The following TRIM8 variants were observed in gnomAD, a reference collection of about 807,000 sequenced individuals.
The protein encoded by TRIM8 is E3 ubiquitin-protein ligase TRIM8.
TRIM8 carries 9 observed loss-of-function variants against 55.7 expected under a neutral mutation model. The observed-to-expected ratio is 0.16, with a 90% confidence interval of 0.10 to 0.28. The LOEUF is 0.28. Among genes scored for constraint, TRIM8 ranks in the 10% least tolerant of loss-of-function variants. The pLI is 1.00. For synonymous variants in TRIM8, 335 were observed against 333.3 expected, an observed-to-expected ratio of 1.01 and a Z score of -0.06; for missense variants, 556 against 736.4, an observed-to-expected ratio of 0.76 and a Z score of 2.83.
intron 1 of TRIM8, among the ~76,000 whole-genome samples, chr10:102,650,499 CT>C (rs1331921346): frequency 4.6e-5 from 7 of 152,190 alleles, no homozygotes; most frequent in African/African-American, 1.4e-4. Context: ...AAGGTCCTCC[CT>C]GGGCCCCACC....
At chr10:102,654,959 C>G (rs1420120931) in intron 2 of TRIM8, 121 bp from the exon 3 acceptor site, 4 of 1,236,964 alleles carry the variant, frequency 3.2e-6, no homozygotes, top group Non-Finnish European at 4.6e-6. Context: ...AGACCTTGCC[C>G]TTGGGAGCCT....
Position 102,644,950 on chromosome 10 carries a change from G to A in TRIM8, c.333G>A (p.Glu111=), listed in dbSNP as rs749088678. 5.8e-5 allele frequency: 92 copies of A among 1,597,526 alleles called. No individual in the cohort carries two copies. In the East Asian group the frequency reaches 2.0e-3, roughly 35 times the overall value. The change falls in exon 1 of 6, where the codon GAG becomes GAA. Residue 111 remains glutamate (E), a synonymous_variant. Transcript: ENST00000643721. ...LPAQKVCLRC[E]APCCQSHVQT... The stretch of plus-strand genomic sequence containing the variant: ...CGCAGAAGGTCTGCCTGCGCTGCGA[G>A]GCGCCCTGCTGCCAGTCCCACGTGC...
rs892610025 is a variant in TRIM8 at position 102,646,739 on chromosome 10, A to T, written c.570+1552A>T. Among the ~76,000 whole-genome samples, 14 of 152,176 alleles carry T rather than the reference A, an allele frequency of 9.2e-5. No individual in the cohort carries two copies. In the South Asian group the frequency reaches 2.7e-3, roughly 29 times the overall value. On this transcript the variant is annotated intron_variant, in intron 1 of 5. Transcript: ENST00000643721. ...TGGGAAGCTGCTGCTATTAATAAAG[A>T]TGGAAGGGCTGGGGGAGGAGGCCGG...
In TRIM8 at chr10:102,657,815, T is replaced by TC. The variant is rs2064041643; in HGVS notation, c.*462dup. The stretch of plus-strand genomic sequence containing the variant: ...TCCTTTTGGGCAGTTTGATCACTGA[T>TC]CGAGTAAGGAATGACCTTTAGATTG... On this transcript the variant is annotated 3_prime_UTR_variant, in exon 6 of 6. Transcript: ENST00000643721. 6.4e-6 allele frequency: 1 copy of TC among 157,348 alleles called. No homozygotes were observed. The highest frequency in any genetic ancestry group is 1.9e-4 in the South Asian group (1 of 5,140). The allele number at this position is 157,348 out of a possible 1,614,324, so 9.7% of individuals were successfully genotyped here.
Position 102,644,753 on chromosome 10 carries a change from G to A in TRIM8, c.136G>A (p.Asp46Asn), listed in dbSNP as rs1234193080. 1 of 1,613,278 alleles carries A rather than the reference G, an allele frequency of 6.2e-7. No individual in the cohort carries two copies. The highest frequency in any genetic ancestry group is 8.5e-7 in the Non-Finnish European group (1 of 1,179,866). ...CTGCATCGGCGAGGCGTGGGCCAAG[G>A]ACAGCGGCCTCGTACGCTGCCCAGA... ...RGCIGEAWAK[D>N]SGLVRCPECN... Residue 46 changes from aspartate to asparagine, a missense_variant, in exon 1 of 6, where the codon GAC becomes AAC. Physicochemically the swap from Asp to Asn is conservative, Grantham distance 23. Around this residue, in one of 2 missense-constraint regions of TRIM8, gnomAD observed 165 missense variants for 295.3 expected, o/e 0.56. Transcript: ENST00000643721.
At position 102,657,414 on chromosome 10, in the gene TRIM8, T is replaced by A; in HGVS notation, c.*60T>A. 1 of 1,512,658 alleles carries A rather than the reference T, an allele frequency of 6.6e-7. No individual in the cohort carries two copies. The highest frequency in any genetic ancestry group is 8.8e-7 in the Non-Finnish European group (1 of 1,130,342). 93.7% of individuals were successfully genotyped at this position (1,512,658 alleles called of 1,614,324 possible). Reference sequence around the variant, plus strand: ...CTCCCCAGCCCCCGGGCTCGGGAGTTATGCATCCAGAGACCTGCCCTTCTA... The same window carrying A: ...CTCCCCAGCCCCCGGGCTCGGGAGTAATGCATCCAGAGACCTGCCCTTCTA... On this transcript the variant is annotated 3_prime_UTR_variant, in exon 6 of 6. Coordinates refer to ENST00000643721, the MANE Select transcript of TRIM8 (RefSeq NM_030912.3).
intron 1 of TRIM8, among the ~76,000 whole-genome samples, chr10:102,653,064 G>T (rs979596352): frequency 5.3e-5 from 8 of 152,180 alleles, no homozygotes; most frequent in African/African-American, 1.2e-4. Context: ...CTCCCAAAGT[G>T]CTGGGATTAC....
In TRIM8 at chr10:102,656,026, G is replaced by A; in HGVS notation, c.901-80G>A. ...CCAGCCTGGGGGAGGCTCAGGGGGG[G>A]CAGCTTTTGTCTTCCCCTCTCCCCG... On this transcript the variant is annotated intron_variant, in intron 3 of 5. Transcript: ENST00000643721. This position sits in a 1 kb window ranked among gnomAD's most constrained non-coding sequence, Gnocchi z 4.6. The A allele has an allele frequency of 3.7e-6, 6 of 1,606,020 alleles. No homozygotes were observed. Among genetic ancestry groups the A allele is most frequent in the Non-Finnish European group, 1.7e-6 (2 of 1,172,914 alleles).
chr10:102,646,628 C>A lies in TRIM8; in HGVS notation c.570+1441C>A, dbSNP rs899515018. Among the ~76,000 whole-genome samples, 4 of 152,172 alleles carry A rather than the reference C, an allele frequency of 2.6e-5. No homozygotes were observed. In the East Asian group the frequency reaches 7.7e-4, roughly 29 times the overall value. On this transcript the variant is annotated intron_variant, in intron 1 of 5. Coordinates refer to ENST00000643721, the MANE Select transcript of TRIM8 (RefSeq NM_030912.3). ...TGGGTTTGTGTGCCAGGATAGGCCTCTGGTTTCTTAAAGGAAGTGTGTCCT... is the reference window on the plus strand; with the variant it reads ...TGGGTTTGTGTGCCAGGATAGGCCTATGGTTTCTTAAAGGAAGTGTGTCCT...
Position 102,644,848 on chromosome 10 carries a change from G to A in TRIM8, c.231G>A (p.Lys77=). The change falls in exon 1 of 6, where the codon AAG becomes AAA. Residue 77 remains lysine, a synonymous_variant. Transcript: ENST00000643721. ...KNLKLTNIVE[K]FNALHVEKPP... is the part of the protein sequence containing the mutation. ...TGAAGCTCACCAACATCGTGGAGAA[G>A]TTCAATGCCCTGCACGTGGAGAAGC... 6 of 1,612,718 alleles carry A rather than the reference G, an allele frequency of 3.7e-6. No homozygotes were observed. The highest frequency in any genetic ancestry group is 1.3e-5 in the African/African-American group (1 of 75,036).
intron 3 of TRIM8, among the ~76,000 whole-genome samples, chr10:102,655,579 G>A (rs1196187635): frequency 6.6e-6 from 1 of 152,058 alleles, no homozygotes; most frequent in Admixed American, 6.6e-5. Context: ...AAACATCTCT[G>A]GAAACTAAAC....
chr10:102,649,737 C>T (rs2063965307), intron 1 of TRIM8, among the ~76,000 whole-genome samples: 1 of 152,206 alleles, frequency 6.6e-6, no homozygotes, highest in Non-Finnish European at 1.5e-5. Flanking sequence ...CCCTGGAGCC[C>T]CTTCCCTCTG....
Position 102,655,039 on chromosome 10 carries a change from G to T in TRIM8, c.667-41G>T, listed in dbSNP as rs140144916. ...GAGGGGGGGAAACCAAAGGTTTCCA[G>T]TGCTTACCTGCCTGCCCACTCCTGC... is the stretch of plus-strand genomic sequence containing the variant. On this transcript the variant is annotated intron_variant, in intron 2 of 5. Transcript: ENST00000643721. The T allele has an allele frequency of 4.2e-5, 68 of 1,605,676 alleles. 2 individuals carry two copies. In the African/African-American group the frequency reaches 7.1e-4, roughly 17 times the overall value.
At chr10:102,647,256 G>A (rs779128122) in intron 1 of TRIM8, among the ~76,000 whole-genome samples, 1 of 152,180 alleles carries the variant, frequency 6.6e-6, no homozygotes, top group Admixed American at 6.5e-5. Flanking sequence ...GTGTGCGTGC[G>A]CGTGCATGCG....
At position 102,658,222 on chromosome 10, in the gene TRIM8, T is replaced by C. The variant is rs2135986182; in HGVS notation, c.*868T>C. On this transcript the variant is annotated 3_prime_UTR_variant, in exon 6 of 6. Coordinates refer to ENST00000643721, the MANE Select transcript of TRIM8 (RefSeq NM_030912.3). ...TGTAGTGAGCACTTTGTATGAATCG[T>C]GGACTTCCTGTTCTCAAGGCGCAGG... is the stretch of plus-strand genomic sequence containing the variant. 1 of 152,400 alleles carries C rather than the reference T, an allele frequency of 6.6e-6. No homozygotes were observed. Among genetic ancestry groups the C allele is most frequent in the African/African-American group, 2.4e-5 (1 of 41,588 alleles). The allele number at this position is 152,400 out of a possible 1,614,324, so 9.4% of individuals were successfully genotyped here.
intron 1 of TRIM8, among the ~76,000 whole-genome samples, chr10:102,647,653 G>A (rs1037088257): frequency 1.3e-5 from 2 of 152,172 alleles, no homozygotes; most frequent in Non-Finnish European, 2.9e-5. Context: ...CCCGGAGGGA[G>A]TCTGCCTTAA....
Position 102,657,254 on chromosome 10 carries a change from T to G in TRIM8, c.1556T>G (p.Leu519Arg). The G allele has an allele frequency of 6.2e-7, 1 of 1,614,024 alleles. No homozygotes were observed. The highest frequency in any genetic ancestry group is 8.5e-7 in the Non-Finnish European group (1 of 1,179,978). Residue 519 changes from leucine to arginine, a missense_variant, in exon 6 of 6, where the codon CTG becomes CGG. Physicochemically the swap from Leu to Arg is moderately radical, Grantham distance 102. This residue lies in a region of TRIM8 where 391 missense variants were observed against 441.0 expected (regional missense o/e 0.89). Coordinates refer to ENST00000643721, the MANE Select transcript of TRIM8 (RefSeq NM_030912.3). ...TPSVPQSLPS[L>R]AVRDWLDASQ... ...TCCGTCCCCCAGTCCCTTCCCAGCC[T>G]GGCGGTCAGAGACTGGCTTGACGCC...
chr10:102,654,897 C>A, intron 2 of TRIM8, 149 bp downstream of exon 2: 2 of 907,000 alleles, frequency 2.2e-6, no homozygotes, highest in Non-Finnish European at 3.6e-6. Context: ...CCCACTGGTG[C>A]CAGGGGATGC....
rs1235655380 is a variant in TRIM8 at position 102,656,884 on chromosome 10, G to A, written c.1186G>A (p.Val396Met). 6.3e-7 allele frequency: 1 copy of A among 1,578,266 alleles called. No individual in the cohort carries two copies. The highest frequency in any genetic ancestry group is 8.6e-7 in the Non-Finnish European group (1 of 1,163,130). ...ASFLETSSGPVGGQYGAAGTA... is the reference protein window; with the variant it reads ...ASFLETSSGPMGGQYGAAGTA... ...TTTCCTAGAGACGTCGTCGGGCCCTGTGGGCGGCCAGTACGGGGCGGCGGG... is the reference window on the plus strand; with the variant it reads ...TTTCCTAGAGACGTCGTCGGGCCCTATGGGCGGCCAGTACGGGGCGGCGGG... The change falls in exon 6 of 6, where the codon GTG becomes ATG. Residue 396 changes from valine (V) to methionine (M), a missense_variant. Coordinates refer to ENST00000643721, the MANE Select transcript of TRIM8 (RefSeq NM_030912.3). This position sits in a 1 kb window ranked among gnomAD's most constrained non-coding sequence, Gnocchi z 4.6.
Sources: allele counts gnomAD v4.1 joint callset (sites outside exome capture counted in the v4.1 genomes callset), GRCh38; gene constraint gnomAD v4.1.1; regional missense constraint gnomAD v4.1.1; non-coding constraint Gnocchi (gnomAD v3.1); transcripts MANE v1.5; gene names NCBI Gene and HGNC (gene_info 2026-07-23, HGNC 2026-07-21).